GOLGA4: variants seen among roughly 807,000 people sequenced by gnomAD.
GOLGA4 encodes the protein golgin A4.
In GOLGA4, 169 loss-of-function variants were observed where a neutral mutation model predicts 265.9. The observed-to-expected ratio is 0.64, with a 90% CI of 0.56 to 0.72. The LOEUF is 0.72. Among genes scored for constraint, GOLGA4 ranks in the 30% least tolerant of loss-of-function variants. The probability of loss-of-function intolerance (pLI) is 0.00; values close to 1 mark genes in which losing one functional copy is unlikely to be tolerated. For missense variants in GOLGA4, 2,482 were observed against 2,483.4 expected (o/e 1.00, Z 0.01); for synonymous variants, 923 against 855.8 (o/e 1.08, Z -1.37).
chr3:37,365,095 C>G (rs1028035747), intron 23 of GOLGA4, among the ~76,000 whole-genome samples: 1 of 151,984 alleles, frequency 6.6e-6, no homozygotes, highest in Non-Finnish European at 1.5e-5. Context: ...TGGGATCTCA[C>G]TATGTTGCCC....
At chr3:37,276,718 C>A in intron 2 of GOLGA4, 1 of 971,102 alleles carries the variant, frequency 1.0e-6, no homozygotes, top group Non-Finnish European at 1.6e-6. Flanking sequence ...TTGAGTTAGA[C>A]TTTGTTTTTG....
At chr3:37,332,644 A>G (rs1053496501) in intron 16 of GOLGA4, among the ~76,000 whole-genome samples, 2 of 152,198 alleles carry the variant, frequency 1.3e-5, no homozygotes, top group African/African-American at 4.8e-5. Flanking sequence ...GTATACATGT[A>G]TAATGAAAAT....
chr3:37,251,734 G>C (rs745486470), intron 2 of GOLGA4, among the ~76,000 whole-genome samples: 5 of 151,854 alleles, frequency 3.3e-5, no homozygotes, highest in African/African-American at 1.2e-4. Context: ...ACCCAGGCTA[G>C]AGTGTGGTGG....
intron 2 of GOLGA4, among the ~76,000 whole-genome samples, chr3:37,264,547 T>G (rs1241597893): frequency 6.6e-6 from 1 of 152,238 alleles, no homozygotes; most frequent in Non-Finnish European, 1.5e-5. Context: ...TAGGACCAAA[T>G]GAACAGTTAG....
chr3:37,363,708 A>C (rs924269908), intron 23 of GOLGA4, among the ~76,000 whole-genome samples: 20 of 152,260 alleles, frequency 1.3e-4, no homozygotes, highest in African/African-American at 4.6e-4. Flanking sequence ...CAGGAAGTTT[A>C]ATATTAGCTA....
intron 2 of GOLGA4, among the ~76,000 whole-genome samples, chr3:37,264,971 G>A (rs912888480): frequency 6.6e-6 from 1 of 151,978 alleles, no homozygotes; most frequent in African/African-American, 2.4e-5. Flanking sequence ...CTTTTGTGGG[G>A]GAGGCCCTAT....
chr3:37,273,423 G>T, intron 2 of GOLGA4: 1 of 624,090 alleles, frequency 1.6e-6, no homozygotes, highest in Non-Finnish European at 2.8e-6. Flanking sequence ...TACTAATTTT[G>T]TTTAATAGAT....
intron 2 of GOLGA4, among the ~76,000 whole-genome samples, chr3:37,252,076 G>A (rs2096735441): frequency 6.6e-6 from 1 of 152,122 alleles, no homozygotes; most frequent in South Asian, 2.1e-4. Flanking sequence ...AAACTGAGAA[G>A]TAACTTATTT....
intron 1 of GOLGA4, chr3:37,249,961 T>TA (rs2096729447): frequency 6.6e-6 from 1 of 152,242 alleles, no homozygotes; most frequent in South Asian, 2.1e-4. Context: ...ATGAACTTTA[T>TA]TTGTATGTCT....
At chr3:37,258,076 T>C (rs1243938473) in intron 2 of GOLGA4, among the ~76,000 whole-genome samples, 1 of 132,216 alleles carries the variant, frequency 7.6e-6, no homozygotes, top group East Asian at 2.1e-4. Flanking sequence ...TATGTATATA[T>C]ATATGTGTGT....
chr3:37,262,690 C>T, intron 2 of GOLGA4, among the ~76,000 whole-genome samples: 1 of 151,570 alleles, frequency 6.6e-6, no homozygotes, highest in East Asian at 1.9e-4. Flanking sequence ...ATTGCTAGAG[C>T]CCAGGAGTTC....
chr3:37,290,544 T>C (rs1220623252), intron 5 of GOLGA4, among the ~76,000 whole-genome samples: 1 of 152,234 alleles, frequency 6.6e-6, no homozygotes, highest in Non-Finnish European at 1.5e-5. Context: ...AATTTACTTT[T>C]GTTATACTGA....
chr3:37,327,381 A>C lies in GOLGA4; in HGVS notation c.5495A>C (p.Glu1832Ala). ...AACATACAGGCAAAGCAAAACTTGGAAAATGTGTTTGACGACGTCCAGAAA... is the reference window on the plus strand; with the variant it reads ...AACATACAGGCAAAGCAAAACTTGGCAAATGTGTTTGACGACGTCCAGAAA... ...KNNIQAKQNL[E>A]NVFDDVQKTL... is the part of the protein sequence containing the mutation. Residue 1832 changes from glutamate to alanine, a missense_variant, in exon 14 of 24, where the codon GAA becomes GCA. Physicochemically the swap from Glu to Ala is moderately radical, Grantham distance 107. Transcript: ENST00000361924. The C allele has an allele frequency of 6.2e-7, 1 of 1,613,860 alleles. No individual in the cohort carries two copies. Among genetic ancestry groups the C allele is most frequent in the Non-Finnish European group, 8.5e-7 (1 of 1,179,766 alleles).
intron 22 of GOLGA4, among the ~76,000 whole-genome samples, chr3:37,359,315 A>T (rs755471287): frequency 9.9e-5 from 15 of 152,112 alleles, no homozygotes; most frequent in Admixed American, 2.0e-4. Flanking sequence ...GATTTTTTTT[A>T]AAATGAGAGT....
At chr3:37,268,068 T>TA (rs2096788304) in intron 2 of GOLGA4, among the ~76,000 whole-genome samples, 1 of 151,750 alleles carries the variant, frequency 6.6e-6, no homozygotes, top group South Asian at 2.1e-4. Flanking sequence ...AGAGACTTGT[T>TA]TACTGTTTTT....
intron 10 of GOLGA4, chr3:37,313,571 A>T (rs1363372673): frequency 6.6e-6 from 1 of 152,096 alleles, no homozygotes. Context: ...AGTCTATCTC[A>T]ATGGTAGAGG....
rs752310193 is a variant in GOLGA4, at chr3:37,298,887, G to A, written c.869G>A (p.Arg290His). ...GAAACACTCCAGCAAAGAGTGAAGC[G>A]TCAAGAGAACCTACTTAAGCGTTGT... ...TLETLQQRVK[R>H]QENLLKRCKE... The change falls in exon 8 of 24, where the codon CGT becomes CAT. Residue 290 changes from arginine (R) to histidine (H), a missense_variant. Physicochemically the swap from Arg to His is conservative, Grantham distance 29 (BLOSUM62 0). Transcript: ENST00000361924. 1.9e-5 allele frequency: 30 copies of A among 1,613,444 alleles called. No homozygotes were observed. Among genetic ancestry groups the A allele is most frequent in the African/African-American group, 1.7e-4 (13 of 74,902 alleles).
At chr3:37,341,497 G>A (rs1396841863) in intron 20 of GOLGA4, among the ~76,000 whole-genome samples, 1 of 152,148 alleles carries the variant, frequency 6.6e-6, no homozygotes, top group East Asian at 1.9e-4. Context: ...TAAAGGACTT[G>A]CTGTGGATCC....
At chr3:37,276,537 A>AT (rs2096819563) in intron 2 of GOLGA4, 1 of 1,601,848 alleles carries the variant, frequency 6.2e-7, no homozygotes, top group African/African-American at 1.3e-5. Flanking sequence ...CGTAGTGCTG[A>AT]TGAACCAGTG....
Sources: gnomAD v4.1 joint callset for allele counts (sites outside exome capture counted in the v4.1 genomes callset) on GRCh38, gnomAD v4.1.1 for gene constraint, MANE v1.5 for transcripts, NCBI Gene and HGNC (gene_info 2026-07-23, HGNC 2026-07-21) for gene names.